Variants in FLRT1 observed in about 807,000 individuals in gnomAD.
FLRT1 encodes leucine-rich repeat transmembrane protein FLRT1.
FLRT1 carries 14 observed loss-of-function variants against 30.9 expected under a neutral mutation model. The observed-to-expected ratio is 0.45, with a 90% CI of 0.30 to 0.71. FLRT1 has a LOEUF of 0.71. Ranked by LOEUF, FLRT1 falls within the 30% of genes least tolerant of loss-of-function variation. FLRT1 has a pLI of 0.08. For missense variants in FLRT1, 737 were observed against 949.2 expected (o/e 0.78, Z 2.94); for synonymous variants, 368 against 430.4 (o/e 0.85, Z 1.80).
chr11:64,074,872 G>C (rs1236989771), intron 1 of FLRT1, among the ~76,000 whole-genome samples: 1 of 152,198 alleles, frequency 6.6e-6, no homozygotes, highest in African/African-American at 2.4e-5. Context: ...CCAGGATCCT[G>C]AACATGCCCC....
At chr11:64,070,564 G>A (rs1425482593) in intron 1 of FLRT1, among the ~76,000 whole-genome samples, 1 of 152,154 alleles carries the variant, frequency 6.6e-6, no homozygotes, top group Non-Finnish European at 1.5e-5. Flanking sequence ...AAGTCAGGTG[G>A]GATCCAGCCT....
At chr11:64,059,957 G>T (rs572256255) in intron 1 of FLRT1, among the ~76,000 whole-genome samples, 1 of 152,316 alleles carries the variant, frequency 6.6e-6, no homozygotes, top group Non-Finnish European at 1.5e-5. Context: ...GATGTTGGGG[G>T]GCCGGGGCAC....
At chr11:64,059,108 C>A (rs921434321) in intron 1 of FLRT1, among the ~76,000 whole-genome samples, 4 of 152,196 alleles carry the variant, frequency 2.6e-5, no homozygotes, top group Non-Finnish European at 5.9e-5. Context: ...TTGACCAGTG[C>A]TGAAAGGACG....
chr11:64,038,306 G>A (rs1351466114), intron 1 of FLRT1, among the ~76,000 whole-genome samples: 1 of 152,246 alleles, frequency 6.6e-6, no homozygotes, highest in Non-Finnish European at 1.5e-5. Context: ...TCCCCTCTGG[G>A]ACCGGCTTCC....
Position 64,118,530 on chromosome 11 carries a change from T to A in FLRT1, c.*238T>A. 1 of 463,004 alleles carries A rather than the reference T, an allele frequency of 2.2e-6. No homozygotes were observed. Among genetic ancestry groups the A allele is most frequent in the East Asian group, 3.3e-5 (1 of 30,156 alleles). 28.7% of individuals were successfully genotyped at this position (463,004 alleles called of 1,614,324 possible). The stretch of plus-strand genomic sequence containing the variant: ...TCGACATTGTTGAAGACATAATTTA[T>A]ACCAAGTTATGCCAGTTGGGGAGGG... On this transcript the variant is annotated 3_prime_UTR_variant, in exon 3 of 3. Coordinates refer to ENST00000682287, the MANE Select transcript of FLRT1 (RefSeq NM_013280.5).
chr11:64,068,229 C>T (rs940290739), intron 1 of FLRT1, among the ~76,000 whole-genome samples: 7 of 152,224 alleles, frequency 4.6e-5, no homozygotes, highest in African/African-American at 1.7e-4. Context: ...GGCACCTCCA[C>T]GCGGTGTCAG....
At chr11:64,086,728 C>G (rs746932303) in intron 1 of FLRT1, among the ~76,000 whole-genome samples, 1 of 152,148 alleles carries the variant, frequency 6.6e-6, no homozygotes, top group East Asian at 1.9e-4. Context: ...GGAAGGTTCT[C>G]GTGCTCACAG....
At chr11:64,106,493 G>A (rs1224982564) in intron 2 of FLRT1, among the ~76,000 whole-genome samples, 1 of 152,224 alleles carries the variant, frequency 6.6e-6, no homozygotes, top group Non-Finnish European at 1.5e-5. Flanking sequence ...TCTAAGGGGA[G>A]GAGACAATCC....
At chr11:64,099,479 T>G (rs546377553) in intron 1 of FLRT1, among the ~76,000 whole-genome samples, 2 of 152,136 alleles carry the variant, frequency 1.3e-5, no homozygotes, top group South Asian at 4.2e-4. Context: ...AATGGATGAA[T>G]GGAGAGACGG....
At chr11:64,058,284 A>G (rs1277392281) in intron 1 of FLRT1, among the ~76,000 whole-genome samples, 1 of 152,178 alleles carries the variant, frequency 6.6e-6, no homozygotes, top group Non-Finnish European at 1.5e-5. Context: ...GTTGGGGACT[A>G]CTGTCGGCTC....
At position 64,067,665 on chromosome 11, in the gene FLRT1, G is replaced by A. The variant is rs1944029802; in HGVS notation, c.-1038+31506G>A. Among the ~76,000 whole-genome samples the A allele has an allele frequency of 6.6e-6, 1 of 152,168 alleles. No individual in the cohort carries two copies. ...CACAGGGTCCCCAAGCAGGCAGCTG[G>A]AGGGCTGGGGTGCCTGGAGCTGCCC... On this transcript the variant is annotated intron_variant, in intron 1 of 2. Transcript: ENST00000682287. This position sits in a 1 kb window ranked among gnomAD's most constrained non-coding sequence, Gnocchi z 4.6.
rs1299444177 is a variant in FLRT1, at chr11:64,090,440, G to A, written c.-1037-12754G>A. 6.6e-6 allele frequency among the ~76,000 whole-genome samples: 1 copy of A among 152,204 alleles called. No homozygotes were observed. The highest frequency in any genetic ancestry group is 1.9e-4 in the East Asian group (1 of 5,202). ...CTCACCTCCAGCCCGGGCAGCAGTG[G>A]GTCGATAATAATTTACGAGGCAGCC... On this transcript the variant is annotated intron_variant, in intron 1 of 2. Coordinates refer to ENST00000682287, the MANE Select transcript of FLRT1 (RefSeq NM_013280.5). The surrounding 1 kb of genome is among the most constrained non-coding windows in gnomAD (Gnocchi z 4.7).
rs540844130 is a variant in FLRT1 at position 64,096,636 on chromosome 11, C to T, written c.-1037-6558C>T. On this transcript the variant is annotated intron_variant, in intron 1 of 2. Coordinates refer to ENST00000682287, the MANE Select transcript of FLRT1 (RefSeq NM_013280.5). The surrounding 1 kb of genome is among the most constrained non-coding windows in gnomAD (Gnocchi z 4.6). Reference sequence around the variant, plus strand: ...ATCAACATGTTGGCCAGGCTGGTCTCGAACTCCTGACCTCAAGTTATCCGC... The same window carrying T: ...ATCAACATGTTGGCCAGGCTGGTCTTGAACTCCTGACCTCAAGTTATCCGC... Among the ~76,000 whole-genome samples, 27 of 152,222 alleles carry T rather than the reference C, an allele frequency of 1.8e-4. No individual in the cohort carries two copies. The highest frequency in any genetic ancestry group is 1.2e-3 in the South Asian group (6 of 4,824).
At position 64,076,618 on chromosome 11, in the gene FLRT1, C is replaced by G. The variant is rs542931138; in HGVS notation, c.-1037-26576C>G. Among the ~76,000 whole-genome samples the G allele has an allele frequency of 2.6e-5, 4 of 152,316 alleles. No homozygotes were observed. In the East Asian group the frequency reaches 7.7e-4, roughly 29 times the overall value. ...CTTATTGGACAGATACTATCATTAT[C>G]TCCATTTTCCAGAGGAGGAAGCTGA... On this transcript the variant is annotated intron_variant, in intron 1 of 2. Coordinates refer to ENST00000682287, the MANE Select transcript of FLRT1 (RefSeq NM_013280.5).
chr11:64,114,092 A>ATGGG (rs1944921248), intron 2 of FLRT1, among the ~76,000 whole-genome samples: 1 of 150,092 alleles, frequency 6.7e-6, no homozygotes, highest in African/African-American at 2.5e-5. Flanking sequence ...GGATGGATGG[A>ATGGG]TGGACAGGTG....
intron 1 of FLRT1, among the ~76,000 whole-genome samples, chr11:64,066,100 C>T (rs936256159): frequency 2.0e-5 from 3 of 151,886 alleles, no homozygotes; most frequent in Non-Finnish European, 2.9e-5. Flanking sequence ...AGCTCAAGAG[C>T]AGCTTGGCCA....
At chr11:64,039,612 C>T (rs990019776) in intron 1 of FLRT1, among the ~76,000 whole-genome samples, 5 of 152,196 alleles carry the variant, frequency 3.3e-5, no homozygotes, top group South Asian at 2.1e-4. Flanking sequence ...TTGCCCTCCT[C>T]CCCCCGGACA....
rs1256792890 is a variant in FLRT1, at chr11:64,103,471, G to C, written c.-760G>C. 2 of 152,066 alleles carry C rather than the reference G, an allele frequency of 1.3e-5. No homozygotes were observed. The highest frequency in any genetic ancestry group is 2.9e-5 in the Non-Finnish European group (2 of 68,136). The allele number at this position is 152,066 out of a possible 1,614,324, so 9.4% of individuals were successfully genotyped here. A position where few individuals can be genotyped will look rare whatever the true frequency, so the allele number is the denominator to read the frequency against. On this transcript the variant is annotated 5_prime_UTR_variant, in exon 2 of 3. Coordinates refer to ENST00000682287, the MANE Select transcript of FLRT1 (RefSeq NM_013280.5). Reference sequence around the variant, plus strand: ...AATGGACCCCCTCCTTTCCCCCGGAGACACAGCCTGAGTGGCAGGAATACA... The same window carrying C: ...AATGGACCCCCTCCTTTCCCCCGGACACACAGCCTGAGTGGCAGGAATACA...
intron 1 of FLRT1, among the ~76,000 whole-genome samples, chr11:64,070,549 G>C (rs949456909): frequency 6.6e-6 from 1 of 152,194 alleles, no homozygotes; most frequent in Non-Finnish European, 1.5e-5. Flanking sequence ...TCGAGAACTC[G>C]AAGCAAGTCA....
Sources: gnomAD v4.1 joint callset for allele counts (sites outside exome capture counted in the v4.1 genomes callset) on GRCh38, gnomAD v4.1.1 for gene constraint, Gnocchi (gnomAD v3.1) non-coding constraint, MANE v1.5 for transcripts, NCBI Gene and HGNC (gene_info 2026-07-23, HGNC 2026-07-21) for gene names.